Variants in CDH18 observed in about 807,000 individuals in gnomAD.
CDH18 encodes the protein cadherin 18.
CDH18 carries 31 observed loss-of-function variants against 67.9 expected under a neutral mutation model. The ratio of observed to expected loss-of-function variants is 0.46; its 90% CI spans 0.34 to 0.62. CDH18 has a LOEUF of 0.62. Ranked by LOEUF, CDH18 falls within the 20% of genes least tolerant of loss-of-function variation. The pLI, the probability that CDH18 is intolerant of heterozygous loss-of-function variation, is 0.01. For missense variants in CDH18, 890 were observed against 975.5 expected, an observed-to-expected ratio of 0.91 and a Z score of 1.17; for synonymous variants, 362 against 347.2, an observed-to-expected ratio of 1.04 and a Z score of -0.48.
chr5:20,107,398 GA>G (rs1747056503), intron 2 of CDH18, among the ~76,000 whole-genome samples: 2 of 152,140 alleles, frequency 1.3e-5, no homozygotes, highest in African/African-American at 4.8e-5. Flanking sequence ...TTCCTGAACA[GA>G]AATCAAATTC....
chr5:20,506,185 A>G (rs1474775721), intron 1 of CDH18, among the ~76,000 whole-genome samples: 2 of 152,150 alleles, frequency 1.3e-5, no homozygotes, highest in African/African-American at 4.8e-5. Flanking sequence ...TTCTTAAGGT[A>G]CCCTCATGAT....
intron 1 of CDH18, among the ~76,000 whole-genome samples, chr5:20,281,700 T>C (rs1207194444): frequency 1.3e-5 from 2 of 152,206 alleles, no homozygotes; most frequent in African/African-American, 4.8e-5. Context: ...GGCTCTCTTT[T>C]GGTTCCATAT....
chr5:20,151,805 T>C (rs1380988500), intron 2 of CDH18, among the ~76,000 whole-genome samples: 6 of 152,010 alleles, frequency 3.9e-5, no homozygotes, highest in Non-Finnish European at 5.9e-5. Flanking sequence ...TAGTAATGCC[T>C]ATAAGTCATT....
intron 1 of CDH18, among the ~76,000 whole-genome samples, chr5:20,502,599 C>A (rs907906362): frequency 1.3e-5 from 2 of 152,038 alleles, no homozygotes; most frequent in Non-Finnish European, 2.9e-5. Flanking sequence ...TAACCCTGTT[C>A]TGTAAATACA....
At chr5:19,658,939 C>T (rs1003941038) in intron 5 of CDH18, among the ~76,000 whole-genome samples, 1 of 151,912 alleles carries the variant, frequency 6.6e-6, no homozygotes, top group Non-Finnish European at 1.5e-5. Context: ...GAAAATGTGG[C>T]ACATATACAC....
intron 5 of CDH18, among the ~76,000 whole-genome samples, chr5:19,679,631 T>C (rs1580834214): frequency 6.6e-6 from 1 of 151,874 alleles, no homozygotes; most frequent in Admixed American, 6.6e-5. Flanking sequence ...ATCAGTAGCA[T>C]TTCTATATAT....
rs140298494 is a variant in CDH18, at chr5:20,367,014, C to T, written c.-579-111509G>A. ...TGACCCTTCTCTGCCAGCCTCAAGTCCACATGGTCCTGTGCCCCCAGGGTG... is the reference window on the plus strand; with the variant it reads ...TGACCCTTCTCTGCCAGCCTCAAGTTCACATGGTCCTGTGCCCCCAGGGTG... On this transcript the variant is annotated intron_variant, in intron 1 of 14. Coordinates refer to the CDH18 transcript ENST00000507958. Among the ~76,000 whole-genome samples the T allele has an allele frequency of 5.4e-3, 824 of 152,206 alleles. 5 individuals carry two copies. Among genetic ancestry groups the T allele is most frequent in the South Asian group, 0.026 (125 of 4,822 alleles).
At chr5:20,285,409 TAATATAATATAATATA>T (rs1746617355) in intron 1 of CDH18, among the ~76,000 whole-genome samples, 1 of 146,662 alleles carries the variant, frequency 6.8e-6, no homozygotes, top group South Asian at 2.1e-4. Context: ...TAATATAATA[TAATATAATATAATATA>T]ATCATAATAT....
At chr5:20,522,235 C>T (rs1755789330) in intron 1 of CDH18, among the ~76,000 whole-genome samples, 1 of 152,132 alleles carries the variant, frequency 6.6e-6, no homozygotes, top group Non-Finnish European at 1.5e-5. Context: ...TCCTAGCCTT[C>T]ACTATGAGAA....
rs78589740 is a variant in CDH18, at chr5:19,571,674, A to C, written c.1158T>G (p.Pro386=). The C allele has an allele frequency of 3.5e-3, 5,622 of 1,613,816 alleles. 64 individuals carry two copies. The Middle Eastern group carries it at 0.048, about 14-fold the overall frequency. Residue 386 remains proline, a synonymous_variant, in exon 8 of 13, where the codon CCT becomes CCG. Transcript: ENST00000382275. ...DVDEPPLFSM[P]SYLMEVYENA... is the part of the protein sequence containing the mutation. The stretch of plus-strand genomic sequence containing the variant: ...TTTCGTAGACTTCCATGAGGTAGGA[A>C]GGCATGGAAAATAGTGGTGGTTCAT...
At chr5:20,197,899 C>T (rs150036062) in intron 2 of CDH18, among the ~76,000 whole-genome samples, 3,533 of 152,204 alleles carry the variant, frequency 0.023, 124 homozygotes, top group African/African-American at 0.079. Flanking sequence ...GTGTCAAGGG[C>T]GGGACCAGGT....
chr5:20,096,295 C>T (rs1745983691), intron 2 of CDH18, among the ~76,000 whole-genome samples: 2 of 152,186 alleles, frequency 1.3e-5, no homozygotes, highest in South Asian at 4.1e-4. Context: ...CTGAAAGAAA[C>T]TAATTGCCAA....
intron 2 of CDH18, among the ~76,000 whole-genome samples, chr5:20,013,236 T>C (rs1470939148): frequency 2.6e-5 from 4 of 152,214 alleles, no homozygotes; most frequent in African/African-American, 7.2e-5. Flanking sequence ...GATAGGGAAA[T>C]TCTTTGACAT....
At chr5:19,807,317 A>C (rs1463692866) in intron 3 of CDH18, among the ~76,000 whole-genome samples, 1 of 152,158 alleles carries the variant, frequency 6.6e-6, no homozygotes, top group African/African-American at 2.4e-5. Flanking sequence ...TAAAACTTTA[A>C]ATAAAACTAA....
chr5:20,055,963 G>A (rs1047740075), intron 2 of CDH18, among the ~76,000 whole-genome samples: 1 of 95,980 alleles, frequency 1.0e-5, no homozygotes, highest in Non-Finnish European at 2.3e-5. Context: ...CACAGTTTAT[G>A]TCTAACTTTA....
intron 7 of CDH18, among the ~76,000 whole-genome samples, chr5:19,588,837 A>G (rs1228688812): frequency 1.3e-5 from 2 of 152,112 alleles, no homozygotes; most frequent in Non-Finnish European, 2.9e-5. Flanking sequence ...GTTCAATTCA[A>G]CAAGAAGTAA....
chr5:19,835,491 A>G (rs1178815722), intron 3 of CDH18, among the ~76,000 whole-genome samples: 4 of 151,906 alleles, frequency 2.6e-5, no homozygotes, highest in African/African-American at 9.7e-5. Context: ...ATTTTTTTAG[A>G]AGAAATAAAG....
At chr5:19,873,256 G>C (rs956962922) in intron 2 of CDH18, among the ~76,000 whole-genome samples, 2 of 150,786 alleles carry the variant, frequency 1.3e-5, no homozygotes, top group East Asian at 1.9e-4. Flanking sequence ...GAGAAAGCAT[G>C]GTTCAGCTTA....
intron 2 of CDH18, among the ~76,000 whole-genome samples, chr5:20,070,302 A>G (rs1743366341): frequency 6.6e-6 from 1 of 152,078 alleles, no homozygotes; most frequent in Non-Finnish European, 1.5e-5. Flanking sequence ...ACTTATTGGA[A>G]GAGGTCTTGG....
Sources: gnomAD v4.1 joint callset for allele counts (sites outside exome capture counted in the v4.1 genomes callset) on GRCh38, gnomAD v4.1.1 for gene constraint, MANE v1.5 for transcripts, NCBI Gene and HGNC (gene_info 2026-07-23, HGNC 2026-07-21) for gene names.